The following NEGR1 variants were observed in gnomAD, a reference collection of about 807,000 sequenced individuals.
NEGR1 encodes neuronal growth regulator 1.
A neutral mutation model predicts 40.9 loss-of-function variants in NEGR1; 10 were observed. That is an observed-to-expected ratio of 0.24 (90% confidence interval 0.15 to 0.42). The LOEUF (loss-of-function observed/expected upper bound fraction) is 0.42. Ranked by LOEUF, NEGR1 falls within the 10% of genes least tolerant of loss-of-function variation. The pLI is 1.00. For missense variants in NEGR1, 352 were observed against 438.9 expected (o/e 0.80, Z 1.77); for synonymous variants, 185 against 166.8 (o/e 1.11, Z -0.84).
At chr1:72,160,166 C>T (rs1651500619) in intron 1 of NEGR1, among the ~76,000 whole-genome samples, 1 of 152,112 alleles carries the variant, frequency 6.6e-6, no homozygotes, top group African/African-American at 2.4e-5. Flanking sequence ...GTGAAACTAT[C>T]AAGGTTTCAT....
chr1:71,436,530 G>T (rs1283666489), intron 6 of NEGR1, among the ~76,000 whole-genome samples: 1 of 152,076 alleles, frequency 6.6e-6, no homozygotes, highest in Non-Finnish European at 1.5e-5. Context: ...TAAAGCAAAT[G>T]CAAAAGAAAG....
chr1:71,938,328 A>G (rs1645928137), intron 1 of NEGR1, among the ~76,000 whole-genome samples: 1 of 151,690 alleles, frequency 6.6e-6, no homozygotes, highest in South Asian at 2.1e-4. Context: ...TTAAAGGTCT[A>G]GTATGAGATG....
At chr1:71,557,980 G>C (rs557830610) in intron 6 of NEGR1, among the ~76,000 whole-genome samples, 1 of 151,494 alleles carries the variant, frequency 6.6e-6, no homozygotes, top group East Asian at 2.0e-4. Flanking sequence ...CCCTCTATTT[G>C]GATTTCTCTG....
chr1:72,044,485 C>A (rs2100463039), intron 1 of NEGR1, among the ~76,000 whole-genome samples: 1 of 151,858 alleles, frequency 6.6e-6, no homozygotes, highest in South Asian at 2.1e-4. Flanking sequence ...CAAATTGGCA[C>A]ACACTATCTT....
intron 1 of NEGR1, among the ~76,000 whole-genome samples, chr1:72,263,694 T>C (rs2100548487): frequency 1.3e-5 from 2 of 151,696 alleles, no homozygotes; most frequent in South Asian, 4.1e-4. Flanking sequence ...ATAGTTGCTG[T>C]TCTAACTTTC....
intron 6 of NEGR1, among the ~76,000 whole-genome samples, chr1:71,454,669 A>G (rs1270538195): frequency 6.6e-6 from 1 of 152,210 alleles, no homozygotes; most frequent in Non-Finnish European, 1.5e-5. Context: ...ATTTTGGACC[A>G]GAAGGTCCAG....
chr1:71,561,889 T>C (rs1484053522), intron 6 of NEGR1, among the ~76,000 whole-genome samples: 1 of 150,328 alleles, frequency 6.7e-6, no homozygotes, highest in African/African-American at 2.4e-5. Context: ...CATGAATCAC[T>C]GAGATGTAGG....
intron 1 of NEGR1, among the ~76,000 whole-genome samples, chr1:72,210,895 T>C (rs960945880): frequency 6.6e-6 from 1 of 151,862 alleles, no homozygotes; most frequent in African/African-American, 2.4e-5. Context: ...CATTTAGACA[T>C]CACCAGTTGT....
intron 1 of NEGR1, among the ~76,000 whole-genome samples, chr1:72,033,783 C>T (rs1413965963): frequency 2.0e-5 from 3 of 151,950 alleles, no homozygotes; most frequent in East Asian, 3.9e-4. Flanking sequence ...TACATGATTT[C>T]CTTTGTATTT....
chr1:72,071,948 A>G (rs1330921143), intron 1 of NEGR1, among the ~76,000 whole-genome samples: 1 of 152,162 alleles, frequency 6.6e-6, no homozygotes, highest in Non-Finnish European at 1.5e-5. Flanking sequence ...TAGCTCCTAT[A>G]GATTTTAGAA....
intron 3 of NEGR1, among the ~76,000 whole-genome samples, chr1:71,700,538 T>G (rs2101631367): frequency 6.6e-6 from 1 of 152,120 alleles, no homozygotes; most frequent in South Asian, 2.1e-4. Flanking sequence ...TACCACAAAT[T>G]TACTGCTTAA....
At chr1:71,444,312 C>T (rs1646566589) in intron 6 of NEGR1, among the ~76,000 whole-genome samples, 1 of 152,100 alleles carries the variant, frequency 6.6e-6, no homozygotes, top group African/African-American at 2.4e-5. Flanking sequence ...AAGTACTCAA[C>T]CCCACATTAG....
intron 2 of NEGR1, among the ~76,000 whole-genome samples, chr1:71,912,619 T>C (rs1003521942): frequency 1.5e-4 from 23 of 152,190 alleles, no homozygotes; most frequent in African/African-American, 3.6e-4. Context: ...AAGGGGAGTA[T>C]AGTATTCAGA....
At chr1:72,264,659 T>A (rs927132719) in intron 1 of NEGR1, among the ~76,000 whole-genome samples, 1 of 150,584 alleles carries the variant, frequency 6.6e-6, no homozygotes, top group African/African-American at 2.4e-5. Flanking sequence ...AATTTTAGAG[T>A]AGTATTTTAG....
intron 6 of NEGR1, among the ~76,000 whole-genome samples, chr1:71,470,885 C>T (rs544785977): frequency 3.3e-5 from 5 of 152,198 alleles, no homozygotes; most frequent in African/African-American, 1.2e-4. Flanking sequence ...ACTACCAACC[C>T]ACCCAGCTGT....
chr1:71,427,323 G>A (rs1379478216), intron 6 of NEGR1, among the ~76,000 whole-genome samples: 2 of 152,154 alleles, frequency 1.3e-5, no homozygotes, highest in African/African-American at 4.8e-5. Context: ...AGCATGGACT[G>A]TCCTCATCCT....
intron 1 of NEGR1, among the ~76,000 whole-genome samples, chr1:72,177,293 G>A (rs1010147598): frequency 3.9e-5 from 6 of 152,120 alleles, no homozygotes; most frequent in African/African-American, 1.2e-4. Flanking sequence ...GATATGATGT[G>A]ATGAGTAAGG....
intron 1 of NEGR1, among the ~76,000 whole-genome samples, chr1:71,990,673 C>G (rs1474822440): frequency 1.3e-5 from 2 of 151,926 alleles, no homozygotes; most frequent in Non-Finnish European, 2.9e-5. Flanking sequence ...TTAGAATAGT[C>G]CTAGTCTACC....
chr1:72,267,036 T>A (rs983383280), intron 1 of NEGR1, among the ~76,000 whole-genome samples: 2 of 151,064 alleles, frequency 1.3e-5, no homozygotes, highest in Non-Finnish European at 3.0e-5. Context: ...GAAGGTTTAT[T>A]GTTAATATTT....
Sources: allele counts gnomAD v4.1 joint callset (sites outside exome capture counted in the v4.1 genomes callset), GRCh38; gene constraint gnomAD v4.1.1; transcripts MANE v1.5; gene names NCBI Gene and HGNC (gene_info 2026-07-23, HGNC 2026-07-21).